ST7: variants seen among roughly 807,000 people sequenced by gnomAD.
The protein encoded by ST7 is suppressor of tumorigenicity 7 protein.
In ST7, 28 loss-of-function variants were observed where a neutral mutation model predicts 78.7. That is an observed-to-expected ratio of 0.36 (90% CI 0.26 to 0.49). ST7 has a LOEUF of 0.49. Among genes scored for constraint, ST7 ranks in the 20% least tolerant of loss-of-function variants. The pLI is 0.99. For missense variants in ST7, 418 were observed against 696.0 expected (o/e 0.60, Z 4.49); for synonymous variants, 247 against 249.6 (o/e 0.99, Z 0.10).
chr7:117,027,457 T>TAAAGTAAAAGTAAAAGTAAAAGTA (rs202245101), intron 1 of ST7, among the ~76,000 whole-genome samples: 2 of 121,940 alleles, frequency 1.6e-5, no homozygotes, highest in African/African-American at 6.8e-5. Context: ...AAAAGTAAAG[T>TAAAGTAAAAGTAAAAGTAAAAGTA]AAAGTAAAAG....
rs376921000 is a variant in ST7 at position 117,190,810 on chromosome 7, G to A, written c.1152-24G>A. On this transcript the variant is annotated intron_variant, in intron 11 of 15. Transcript: ENST00000323984. The surrounding 1 kb of genome is among the most constrained non-coding windows in gnomAD (Gnocchi z 5.2). Reference sequence around the variant, plus strand: ...GCCCAAGCAGTGGTCCCACCTGGATGGTTTTTGTCTTTCTGCTTTTCAGAT... The same window carrying A: ...GCCCAAGCAGTGGTCCCACCTGGATAGTTTTTGTCTTTCTGCTTTTCAGAT... The A allele has an allele frequency of 1.2e-6, 2 of 1,606,956 alleles. No individual in the cohort carries two copies. The highest frequency in any genetic ancestry group is 4.5e-5 in the East Asian group (2 of 44,796).
chr7:117,020,057 G>A (rs1795802526), intron 1 of ST7: 1 of 152,324 alleles, frequency 6.6e-6, no homozygotes, highest in Non-Finnish European at 1.5e-5. Context: ...CGCAGGAGGG[G>A]AGTGTATACG....
intron 1 of ST7, among the ~76,000 whole-genome samples, chr7:116,993,013 T>A (rs1162637790): frequency 6.6e-6 from 1 of 152,216 alleles, no homozygotes; most frequent in Admixed American, 6.5e-5. Flanking sequence ...CAGTCTGGAC[T>A]TTATTGTCCA....
At chr7:117,118,464 A>C (rs1206641976) in intron 2 of ST7, 1 of 152,248 alleles carries the variant, frequency 6.6e-6, no homozygotes, top group Non-Finnish European at 1.5e-5. Context: ...CTTTAATAGA[A>C]CAAAACAGGG....
intron 9 of ST7, among the ~76,000 whole-genome samples, chr7:117,163,891 A>T (rs1226063588): frequency 6.6e-6 from 1 of 152,044 alleles, no homozygotes; most frequent in African/African-American, 2.4e-5. Context: ...CATTTCCCCT[A>T]TGTTTTCTTC....
intron 15 of ST7, chr7:117,223,052 C>G (rs926426078): frequency 9.1e-7 from 1 of 1,103,484 alleles, no homozygotes; most frequent in African/African-American, 1.5e-5. Context: ...CCATCCACCC[C>G]GTTGCTCAAG....
At chr7:117,129,652 GT>G in intron 3 of ST7, 140 bp from the exon 4 acceptor site, 2 of 709,636 alleles carry the variant, frequency 2.8e-6, no homozygotes, top group Admixed American at 2.6e-5. Flanking sequence ...ACCACCCAGA[GT>G]TTTTCCACAT....
chr7:117,147,013 CTG>C (rs946985513), intron 9 of ST7, among the ~76,000 whole-genome samples: 1 of 152,122 alleles, frequency 6.6e-6, no homozygotes, highest in Non-Finnish European at 1.5e-5. Context: ...TTCAGAGAAA[CTG>C]TGACTATAAC....
At chr7:117,172,217 G>A (rs1484092083) in intron 10 of ST7, among the ~76,000 whole-genome samples, 2 of 152,172 alleles carry the variant, frequency 1.3e-5, no homozygotes, top group Admixed American at 6.5e-5. Context: ...GGCACTGGGA[G>A]TACAGGCGTG....
chr7:117,140,967 C>T (rs1270773721), intron 9 of ST7, among the ~76,000 whole-genome samples: 1 of 152,316 alleles, frequency 6.6e-6, no homozygotes. Flanking sequence ...TGGCTGTTCC[C>T]AGCCTTGCAG....
intron 1 of ST7, among the ~76,000 whole-genome samples, chr7:116,992,659 T>C (rs1042580235): frequency 8.5e-5 from 13 of 152,254 alleles, no homozygotes; most frequent in Admixed American, 7.2e-4. Flanking sequence ...GTCTTGGAGA[T>C]GAACATTCGG....
At chr7:117,034,413 G>A (rs1796774028) in intron 1 of ST7, among the ~76,000 whole-genome samples, 1 of 152,082 alleles carries the variant, frequency 6.6e-6, no homozygotes, top group African/African-American at 2.4e-5. Context: ...ATGTGGGAGG[G>A]GTTAAAAGTT....
intron 1 of ST7, chr7:116,958,550 A>G (rs1243385001): frequency 2.1e-6 from 1 of 466,884 alleles, no homozygotes; most frequent in Non-Finnish European, 4.4e-6. Context: ...GTTGTCTAAA[A>G]TGTTCTTCCC....
chr7:117,026,721 T>C (rs1008358014), intron 1 of ST7, among the ~76,000 whole-genome samples: 1 of 152,196 alleles, frequency 6.6e-6, no homozygotes, highest in Admixed American at 6.5e-5. Context: ...ACTTATCCAA[T>C]GAACTCTCTG....
chr7:117,215,960 A>C (rs1305821158), intron 13 of ST7, among the ~76,000 whole-genome samples: 1 of 152,052 alleles, frequency 6.6e-6, no homozygotes, highest in Non-Finnish European at 1.5e-5. Context: ...GATTGATTAC[A>C]TTCTATCCTT....
At chr7:116,993,502 A>C (rs1794517931) in intron 1 of ST7, among the ~76,000 whole-genome samples, 1 of 152,154 alleles carries the variant, frequency 6.6e-6, no homozygotes. Flanking sequence ...CTCCCACAAC[A>C]CGTGGGGATT....
At chr7:117,111,113 C>T (rs1348340014) in intron 2 of ST7, among the ~76,000 whole-genome samples, 1 of 152,168 alleles carries the variant, frequency 6.6e-6, no homozygotes, top group Non-Finnish European at 1.5e-5. Context: ...TCAGCTTTGC[C>T]AGGCCTCGAA....
At chr7:117,145,739 G>A (rs1249908275) in intron 9 of ST7, 4 of 152,056 alleles carry the variant, frequency 2.6e-5, no homozygotes. Context: ...TCTTTCTGGG[G>A]GACATAATTT....
intron 3 of ST7, among the ~76,000 whole-genome samples, chr7:117,122,453 A>AT: frequency 6.6e-6 from 1 of 152,108 alleles, no homozygotes. Context: ...TTTTGTTTGT[A>AT]TTTTTTACTT....
Sources: allele counts gnomAD v4.1 joint callset (sites outside exome capture counted in the v4.1 genomes callset), GRCh38; gene constraint gnomAD v4.1.1; non-coding constraint Gnocchi (gnomAD v3.1); transcripts MANE v1.5; gene names NCBI Gene and HGNC (gene_info 2026-07-23, HGNC 2026-07-21).